RYR2: variants seen among roughly 807,000 people sequenced by gnomAD.
The protein encoded by RYR2 is ryanodine receptor 2.
In RYR2, 227 loss-of-function variants were observed where a neutral mutation model predicts 601.1. The ratio of observed to expected loss-of-function variants is 0.38; its 90% CI spans 0.34 to 0.42. RYR2 has a LOEUF of 0.42. Ranked by LOEUF, RYR2 falls within the 10% of genes least tolerant of loss-of-function variation. The probability of loss-of-function intolerance (pLI) is 1.00; values close to 1 mark genes in which losing one functional copy is unlikely to be tolerated. For missense variants in RYR2, 4,646 were observed against 6,156.5 expected, an observed-to-expected ratio of 0.75 and a Z score of 8.21; for synonymous variants, 2,223 against 2,175.1, an observed-to-expected ratio of 1.02 and a Z score of -0.61.
chr1:237,300,992 G>T (rs960415674), intron 2 of RYR2, among the ~76,000 whole-genome samples: 1 of 151,944 alleles, frequency 6.6e-6, no homozygotes, highest in East Asian at 1.9e-4. Flanking sequence ...TTGTGAAATC[G>T]AATTGATAAG....
chr1:237,766,101 T>C (rs779963314), intron 84 of RYR2, among the ~76,000 whole-genome samples: 12 of 152,024 alleles, frequency 7.9e-5, no homozygotes, highest in Non-Finnish European at 1.5e-4. Context: ...CAGAGAATGG[T>C]GACTAAGCTG....
chr1:237,443,267 G>A (rs1028112769), intron 13 of RYR2, among the ~76,000 whole-genome samples: 1 of 151,234 alleles, frequency 6.6e-6, no homozygotes, highest in African/African-American at 2.4e-5. Context: ...TCTTTCATCT[G>A]GTCTGCTGGT....
chr1:237,600,726 T>A lies in RYR2; in HGVS notation c.4597-1299T>A, dbSNP rs1302149799. On this transcript the variant is annotated intron_variant, in intron 34 of 104. Transcript: ENST00000366574. ...TCTGATAAGGGATCAATATCCAGAATATATAAGGAACACAAACAACAATAG... is the reference window on the plus strand; with the variant it reads ...TCTGATAAGGGATCAATATCCAGAAAATATAAGGAACACAAACAACAATAG... 2.6e-5 allele frequency among the ~76,000 whole-genome samples: 4 copies of A among 152,234 alleles called. No homozygotes were observed. In the East Asian group the frequency reaches 5.8e-4, roughly 22 times the overall value.
chr1:237,241,958 C>T (rs1686218171), intron 1 of RYR2, among the ~76,000 whole-genome samples: 1 of 152,118 alleles, frequency 6.6e-6, no homozygotes, highest in South Asian at 2.1e-4. Context: ...CTTACCACAT[C>T]CTATTGTATT....
intron 24 of RYR2, among the ~76,000 whole-genome samples, chr1:237,529,950 C>A (rs12145623): frequency 1.3e-5 from 2 of 152,078 alleles, no homozygotes; most frequent in East Asian, 3.9e-4. Context: ...CATTTCAGTT[C>A]GCAGTGTCTT....
At chr1:237,489,447 A>G (rs1663078816) in intron 17 of RYR2, among the ~76,000 whole-genome samples, 1 of 152,178 alleles carries the variant, frequency 6.6e-6, no homozygotes, top group Non-Finnish European at 1.5e-5. Context: ...GCCTGAGATC[A>G]GGAGTTCGAG....
chr1:237,176,936 G>C (rs1212423750), intron 1 of RYR2, among the ~76,000 whole-genome samples: 2 of 152,184 alleles, frequency 1.3e-5, no homozygotes, highest in African/African-American at 2.4e-5. Context: ...GAAGAGATTA[G>C]TGTTTTGAGA....
intron 41 of RYR2, among the ~76,000 whole-genome samples, chr1:237,629,595 G>GGTAA (rs1383127869): frequency 6.6e-6 from 1 of 151,746 alleles, no homozygotes; most frequent in Non-Finnish European, 1.5e-5. Context: ...AGATAATAAA[G>GGTAA]GTAACTGCTA....
At chr1:237,463,525 C>G (rs747478270) in intron 16 of RYR2, among the ~76,000 whole-genome samples, 1 of 151,840 alleles carries the variant, frequency 6.6e-6, no homozygotes, top group Non-Finnish European at 1.5e-5. Flanking sequence ...TAAGAAGTAT[C>G]TAGAATGATT....
intron 42 of RYR2, among the ~76,000 whole-genome samples, chr1:237,632,523 T>C (rs1488694675): frequency 6.6e-6 from 1 of 151,464 alleles, no homozygotes; most frequent in Non-Finnish European, 1.5e-5. Context: ...GCCTGCCGAG[T>C]GGCTGGGACT....
chr1:237,730,444 G>C lies in RYR2; in HGVS notation c.10935+88G>C, dbSNP rs1463180046. ...TGAGCAGTCATTATATAACATTGAA[G>C]GAAAAAATATCATTACAGTATATGG... On this transcript the variant is annotated intron_variant, in intron 77 of 104. Transcript: ENST00000366574. The C allele has an allele frequency of 6.0e-6, 4 of 671,400 alleles. No homozygotes were observed. In the South Asian group the frequency reaches 7.4e-5, roughly 12 times the overall value. 41.6% of individuals were successfully genotyped at this position (671,400 alleles called of 1,614,324 possible).
intron 33 of RYR2, among the ~76,000 whole-genome samples, chr1:237,594,911 T>TTTTTCATA (rs1675697829): frequency 1.4e-5 from 1 of 73,582 alleles, no homozygotes; most frequent in Non-Finnish European, 3.1e-5. Context: ...TTTTTTTTTT[T>TTTTTCATA]TTTTTTTTTT....
intron 35 of RYR2, among the ~76,000 whole-genome samples, chr1:237,603,631 G>T (rs934953147): frequency 6.6e-6 from 1 of 152,096 alleles, no homozygotes; most frequent in Admixed American, 6.5e-5. Context: ...ACACAGACTG[G>T]CAAATTGGAT....
At chr1:237,586,059 A>G (rs915557873) in intron 29 of RYR2, among the ~76,000 whole-genome samples, 1 of 152,328 alleles carries the variant, frequency 6.6e-6, no homozygotes, top group African/African-American at 2.4e-5. Flanking sequence ...TTTTAACTTA[A>G]TATTACATAT....
At chr1:237,162,201 C>T (rs1173159156) in intron 1 of RYR2, among the ~76,000 whole-genome samples, 3 of 152,160 alleles carry the variant, frequency 2.0e-5, no homozygotes, top group African/African-American at 4.8e-5. Flanking sequence ...TAGGTAGCTT[C>T]CTCTGGGGAG....
chr1:237,507,101 T>C (rs1341743874), intron 23 of RYR2, among the ~76,000 whole-genome samples: 1 of 152,226 alleles, frequency 6.6e-6, no homozygotes, highest in African/African-American at 2.4e-5. Context: ...GGTTAACATA[T>C]ACAGATAATA....
At chr1:237,308,954 G>C (rs1694219489) in intron 2 of RYR2, among the ~76,000 whole-genome samples, 1 of 152,208 alleles carries the variant, frequency 6.6e-6, no homozygotes, top group Non-Finnish European at 1.5e-5. Context: ...GAATCCCTGA[G>C]TTAGACACAA....
intron 66 of RYR2, among the ~76,000 whole-genome samples, chr1:237,703,742 T>A (rs983251315): frequency 2.6e-5 from 4 of 151,584 alleles, no homozygotes; most frequent in African/African-American, 9.7e-5. Context: ...TTCTTCCCCT[T>A]AGTTTTATTA....
At chr1:237,375,399 T>A (rs1404120257) in intron 7 of RYR2, among the ~76,000 whole-genome samples, 5 of 152,332 alleles carry the variant, frequency 3.3e-5, no homozygotes, top group South Asian at 2.1e-4. Context: ...AATTGGACTG[T>A]TTTGTCTTTT....
Sources: gnomAD v4.1 joint callset for allele counts (sites outside exome capture counted in the v4.1 genomes callset) on GRCh38, gnomAD v4.1.1 for gene constraint, MANE v1.5 for transcripts, NCBI Gene and HGNC (gene_info 2026-07-23, HGNC 2026-07-21) for gene names.